Variants in TLL2 observed in about 807,000 individuals in gnomAD.
TLL2 encodes tolloid-like protein 2.
TLL2 carries 106 observed loss-of-function variants against 123.0 expected under a neutral mutation model. The ratio of observed to expected loss-of-function variants is 0.86; its 90% CI spans 0.74 to 1.01. TLL2 has a LOEUF of 1.01. Ranked by LOEUF, TLL2 falls within the 50% of genes least tolerant of loss-of-function variation. The probability of loss-of-function intolerance (pLI) is 0.00; values close to 1 mark genes in which losing one functional copy is unlikely to be tolerated. For synonymous variants in TLL2, 494 were observed against 516.8 expected, an observed-to-expected ratio of 0.96 and a Z score of 0.60; for missense variants, 1,332 against 1,336.7, an observed-to-expected ratio of 1.00 and a Z score of 0.06.
rs575398058 is a variant in TLL2 at position 96,441,827 on chromosome 10, A to T, written c.364+4264T>A. On this transcript the variant is annotated intron_variant, in intron 3 of 20. Coordinates refer to ENST00000357947, the MANE Select transcript of TLL2 (RefSeq NM_012465.4). The stretch of plus-strand genomic sequence containing the variant: ...TTCGTGGGGCTCAGTTGTTACACCC[A>T]AGTAAACTGACGTAAGTGATGTTAG... Among the ~76,000 whole-genome samples the T allele has an allele frequency of 1.2e-4, 19 of 152,278 alleles. 1 individual carries two copies. The highest frequency in any genetic ancestry group is 3.6e-4 in the African/African-American group (15 of 41,554).
In TLL2 at chr10:96,410,473, C is replaced by T. The variant is rs199704612; in HGVS notation, c.1050G>A (p.Ala350=). ...TTGTGTCCTGCAGGGTCTCCCCACA[C>T]GCTGCACAAGCAAAATCACAACTGT... ...AQARKLYKCP[A]CGETLQDTTG... The change falls in exon 9 of 21, where the codon GCG becomes GCA. Residue 350 remains alanine, a splice_region_variant and synonymous_variant. Transcript: ENST00000357947. 189 of 1,613,628 alleles carry T rather than the reference C, an allele frequency of 1.2e-4. No individual in the cohort carries two copies. The East Asian group carries it at 3.0e-3, about 25-fold the overall frequency.
chr10:96,504,481 C>A (rs1847560509), intron 1 of TLL2, among the ~76,000 whole-genome samples: 1 of 152,072 alleles, frequency 6.6e-6, no homozygotes, highest in South Asian at 2.1e-4. Context: ...GTGGTGGTGC[C>A]TGCCTATAAT....
chr10:96,499,878 TTACAA>T lies in TLL2; in HGVS notation c.175+13628_175+13632del, dbSNP rs1316831671. Among the ~76,000 whole-genome samples the T allele has an allele frequency of 3.3e-5, 5 of 151,910 alleles. No individual in the cohort carries two copies. The East Asian group carries it at 9.6e-4, about 29-fold the overall frequency. On this transcript the variant is annotated intron_variant, in intron 1 of 20. Coordinates refer to ENST00000357947, the MANE Select transcript of TLL2 (RefSeq NM_012465.4). ...TCAAAATTACTGAAAAAAATACAAATTACAATACAAGTGCAAGTTGAAGAAATAGA... is the reference window on the plus strand; with the variant it reads ...TCAAAATTACTGAAAAAAATACAAATTACAAGTGCAAGTTGAAGAAATAGA...
intron 9 of TLL2, among the ~76,000 whole-genome samples, chr10:96,407,795 C>T (rs1179042055): frequency 6.6e-6 from 1 of 152,214 alleles, no homozygotes; most frequent in Non-Finnish European, 1.5e-5. Context: ...GGTCAGCTCA[C>T]CTTCTGTCAT....
In TLL2 at chr10:96,364,863, T is replaced by C. The variant is rs1265170494; in HGVS notation, c.*3225A>G. On this transcript the variant is annotated 3_prime_UTR_variant, in exon 21 of 21. Transcript: ENST00000357947. Reference sequence around the variant, plus strand: ...ACATCTGCTAAAGCCAAGGGAACATTTGTTCACAAATGGAACGCTAACAAT... The same window carrying C: ...ACATCTGCTAAAGCCAAGGGAACATCTGTTCACAAATGGAACGCTAACAAT... 1 of 152,350 alleles carries C rather than the reference T, an allele frequency of 6.6e-6. No individual in the cohort carries two copies. Among genetic ancestry groups the C allele is most frequent in the Non-Finnish European group, 1.5e-5 (1 of 68,036 alleles). The allele number at this position is 152,350 out of a possible 1,614,324, so 9.4% of individuals were successfully genotyped here. A position where few individuals can be genotyped will look rare whatever the true frequency, so the allele number is the denominator to read the frequency against.
At chr10:96,399,808 G>T (rs1846376446) in intron 10 of TLL2, among the ~76,000 whole-genome samples, 2 of 152,184 alleles carry the variant, frequency 1.3e-5, no homozygotes, top group Admixed American at 1.3e-4. Context: ...AGCCACTGAG[G>T]CTTGTTTCCA....
chr10:96,416,843 C>A (rs901583674), intron 7 of TLL2, among the ~76,000 whole-genome samples: 7 of 152,210 alleles, frequency 4.6e-5, no homozygotes, highest in African/African-American at 1.7e-4. Flanking sequence ...CATTGACATT[C>A]TGCTAAACTA....
intron 2 of TLL2, among the ~76,000 whole-genome samples, chr10:96,468,089 G>A (rs1223538877): frequency 2.0e-5 from 3 of 152,110 alleles, no homozygotes; most frequent in Non-Finnish European, 4.4e-5. Context: ...CAGTTCACTC[G>A]CCCATCACCT....
chr10:96,404,496 T>C (rs1450924206), intron 10 of TLL2, among the ~76,000 whole-genome samples: 1 of 152,242 alleles, frequency 6.6e-6, no homozygotes, highest in Non-Finnish European at 1.5e-5. Context: ...TGTATATTTA[T>C]AATTTTACTT....
intron 10 of TLL2, among the ~76,000 whole-genome samples, chr10:96,397,593 A>G (rs1488977801): frequency 6.6e-6 from 1 of 152,196 alleles, no homozygotes; most frequent in Non-Finnish European, 1.5e-5. Flanking sequence ...GGTGTTGCTG[A>G]GGCTCTGAAG....
In TLL2 at chr10:96,432,855, T is replaced by C. The variant is rs771082883; in HGVS notation, c.472A>G (p.Ile158Val). The change falls in exon 4 of 21, where the codon ATA (isoleucine) becomes GTA (valine). Residue 158 changes from isoleucine to valine, a missense_variant. Ile to Val is a conservative substitution (Grantham distance 29). Transcript: ENST00000357947. ...RRATTSRTER[I>V]WPGGVIPYVI... ...TAGGGGATGACTCCTCCAGGCCATA[T>C]CCTCTCTGTCCTTGAGGTTGTGGCT... The C allele has an allele frequency of 6.2e-7, 1 of 1,614,112 alleles. No individual in the cohort carries two copies. Among genetic ancestry groups the C allele is most frequent in the Non-Finnish European group, 8.5e-7 (1 of 1,180,014 alleles).
intron 8 of TLL2, among the ~76,000 whole-genome samples, chr10:96,412,089 T>C (rs1846512930): frequency 6.6e-6 from 1 of 152,234 alleles, no homozygotes; most frequent in Admixed American, 6.5e-5. Flanking sequence ...TCCCAGGGTA[T>C]GCTATAAGGT....
chr10:96,494,110 G>A (rs1412157159), intron 1 of TLL2, among the ~76,000 whole-genome samples: 1 of 152,210 alleles, frequency 6.6e-6, no homozygotes, highest in South Asian at 2.1e-4. Context: ...GGCCAGCCGG[G>A]GACAGCCCGG....
chr10:96,487,534 C>A (rs1272361502), intron 1 of TLL2, among the ~76,000 whole-genome samples: 2 of 152,062 alleles, frequency 1.3e-5, no homozygotes, highest in East Asian at 3.9e-4. Context: ...ACACGCCAGG[C>A]ATTGGCAGGG....
intron 1 of TLL2, among the ~76,000 whole-genome samples, chr10:96,491,304 T>C: frequency 6.7e-6 from 1 of 148,920 alleles, no homozygotes; most frequent in African/African-American, 2.5e-5. Flanking sequence ...ATCGCTTGAA[T>C]CCAGGAGGCG....
chr10:96,375,404 G>C (rs1251247224), intron 18 of TLL2: 1 of 152,070 alleles, frequency 6.6e-6, no homozygotes, highest in African/African-American at 2.4e-5. Flanking sequence ...TGTGAGCCTC[G>C]GGCAAACGCT....
intron 12 of TLL2, 95 bp downstream of exon 12, chr10:96,395,780 G>A: frequency 6.6e-7 from 1 of 1,516,440 alleles, no homozygotes; most frequent in Middle Eastern, 2.1e-4. Flanking sequence ...TTAGGTTCCT[G>A]TTTTTAGCCA....
intron 1 of TLL2, among the ~76,000 whole-genome samples, chr10:96,484,757 T>C (rs1056473264): frequency 1.3e-5 from 2 of 152,166 alleles, no homozygotes; most frequent in Non-Finnish European, 2.9e-5. Context: ...ATAGATGCTT[T>C]CCCTGCAGAG....
At chr10:96,447,732 T>C (rs1846912720) in intron 2 of TLL2, among the ~76,000 whole-genome samples, 1 of 152,220 alleles carries the variant, frequency 6.6e-6, no homozygotes, top group Admixed American at 6.5e-5. Context: ...ATTTCTTGCA[T>C]TTATTTAGAA....
Sources: gnomAD v4.1 joint callset for allele counts (sites outside exome capture counted in the v4.1 genomes callset) on GRCh38, gnomAD v4.1.1 for gene constraint, MANE v1.5 for transcripts, NCBI Gene and HGNC (gene_info 2026-07-23, HGNC 2026-07-21) for gene names.